CTNNA3: variants seen among roughly 807,000 people sequenced by gnomAD.
The protein encoded by CTNNA3 is catenin alpha 3, also known as catenin alpha-3.
In CTNNA3, 76 loss-of-function variants were observed where a neutral mutation model predicts 95.7. The observed-to-expected ratio is 0.79, with a 90% CI of 0.66 to 0.96. CTNNA3 has a LOEUF of 0.96. Ranked by LOEUF, CTNNA3 falls within the 40% of genes least tolerant of loss-of-function variation. The pLI is 0.00. For synonymous variants in CTNNA3, 431 were observed against 374.4 expected, an observed-to-expected ratio of 1.15 and a Z score of -1.74; for missense variants, 1,191 against 1,089.8, an observed-to-expected ratio of 1.09 and a Z score of -1.31.
intron 7 of CTNNA3, chr10:67,012,955 A>C (rs1852434345): frequency 6.6e-6 from 1 of 152,298 alleles, no homozygotes; most frequent in East Asian, 1.9e-4. Flanking sequence ...ATTTTAAAAA[A>C]ACCAACACTT....
At chr10:66,035,615 G>T (rs1421880526) in intron 15 of CTNNA3, among the ~76,000 whole-genome samples, 1 of 150,740 alleles carries the variant, frequency 6.6e-6, no homozygotes, top group Admixed American at 6.6e-5. Flanking sequence ...ATCTTTTTAG[G>T]TGAAGTATTT....
chr10:67,716,629 T>C (rs1841145175), intron 1 of CTNNA3, among the ~76,000 whole-genome samples: 1 of 152,214 alleles, frequency 6.6e-6, no homozygotes, highest in African/African-American at 2.4e-5. Context: ...GCTTCATCCA[T>C]GTACCTGCAA....
At chr10:66,457,121 A>G (rs1261409509) in intron 11 of CTNNA3, among the ~76,000 whole-genome samples, 1 of 152,114 alleles carries the variant, frequency 6.6e-6, no homozygotes, top group Non-Finnish European at 1.5e-5. Flanking sequence ...AAACAAAACA[A>G]AAAAACCTTT....
intron 9 of CTNNA3, among the ~76,000 whole-genome samples, chr10:66,646,397 A>G (rs554603672): frequency 1.3e-5 from 2 of 152,254 alleles, no homozygotes; most frequent in African/African-American, 4.8e-5. Flanking sequence ...TGGGAGCAAA[A>G]CAATAACTCA....
At chr10:66,290,469 G>T (rs1464444709) in intron 12 of CTNNA3, among the ~76,000 whole-genome samples, 1 of 151,904 alleles carries the variant, frequency 6.6e-6, no homozygotes, top group Non-Finnish European at 1.5e-5. Context: ...TTTTCATCAG[G>T]ATATACTTGA....
At chr10:66,544,134 G>T (rs1157487851) in intron 10 of CTNNA3, among the ~76,000 whole-genome samples, 4 of 151,682 alleles carry the variant, frequency 2.6e-5, no homozygotes. Flanking sequence ...AGGCTTCATT[G>T]GCTATTATGT....
intron 3 of CTNNA3, among the ~76,000 whole-genome samples, chr10:67,583,176 T>C (rs1483405004): frequency 6.6e-6 from 1 of 152,180 alleles, no homozygotes; most frequent in African/African-American, 2.4e-5. Context: ...ACAATTGGCA[T>C]GGTTTTGCAG....
At chr10:66,590,361 A>T (rs1191773812) in intron 10 of CTNNA3, among the ~76,000 whole-genome samples, 4 of 152,148 alleles carry the variant, frequency 2.6e-5, no homozygotes, top group Admixed American at 1.3e-4. Context: ...TTTGACATAC[A>T]TGAAATATGA....
intron 1 of CTNNA3, among the ~76,000 whole-genome samples, chr10:67,763,346 C>G (rs1841472603): frequency 2.0e-5 from 3 of 152,052 alleles, no homozygotes; most frequent in Admixed American, 6.5e-5. Flanking sequence ...ATATTCTGCT[C>G]TCTTCCACAA....
intron 9 of CTNNA3, among the ~76,000 whole-genome samples, chr10:66,714,114 C>T (rs1436270500): frequency 2.0e-5 from 3 of 152,016 alleles, no homozygotes; most frequent in Non-Finnish European, 4.4e-5. Context: ...ATGATCGAAT[C>T]GTGATGGTGT....
chr10:66,048,818 C>A (rs1328802902), intron 15 of CTNNA3, among the ~76,000 whole-genome samples: 1 of 151,854 alleles, frequency 6.6e-6, no homozygotes, highest in African/African-American at 2.4e-5. Context: ...AATGTAAAAC[C>A]CAAAAATTAT....
At chr10:66,890,630 T>C (rs1321986232) in intron 7 of CTNNA3, among the ~76,000 whole-genome samples, 1 of 151,984 alleles carries the variant, frequency 6.6e-6, no homozygotes, top group Non-Finnish European at 1.5e-5. Context: ...GAGTGAATGG[T>C]GTATGAGGAA....
chr10:67,661,006 C>T (rs886227803), intron 1 of CTNNA3, among the ~76,000 whole-genome samples: 3 of 151,220 alleles, frequency 2.0e-5, no homozygotes, highest in African/African-American at 7.3e-5. Flanking sequence ...TGGCAAATAC[C>T]AAAATTTTTA....
chr10:67,596,993 G>A (rs143842964), intron 3 of CTNNA3, among the ~76,000 whole-genome samples: 2 of 152,046 alleles, frequency 1.3e-5, no homozygotes, highest in Non-Finnish European at 2.9e-5. Flanking sequence ...ATCTGACTGA[G>A]TTGTTTCAAA....
chr10:66,872,244 C>T (rs1844437606), intron 7 of CTNNA3, among the ~76,000 whole-genome samples: 1 of 152,094 alleles, frequency 6.6e-6, no homozygotes, highest in African/African-American at 2.4e-5. Context: ...GTGTTGTTAA[C>T]CACATTTTAT....
chr10:66,058,474 T>C (rs2080129071), intron 15 of CTNNA3, among the ~76,000 whole-genome samples: 1 of 152,188 alleles, frequency 6.6e-6, no homozygotes, highest in South Asian at 2.1e-4. Flanking sequence ...TTCTTTTTGA[T>C]GATGAATGCA....
intron 12 of CTNNA3, among the ~76,000 whole-genome samples, chr10:66,336,578 A>G (rs2092399050): frequency 6.6e-6 from 1 of 152,132 alleles, no homozygotes; most frequent in Admixed American, 6.6e-5. Context: ...GTGGCCCACA[A>G]TAGTCTTTCT....
At chr10:66,926,261 G>GTT in intron 7 of CTNNA3, 15 of 412,914 alleles carry the variant, frequency 3.6e-5, no homozygotes, top group East Asian at 9.7e-5. Context: ...GTAGGATCCA[G>GTT]TTTTTTTTTT....
intron 12 of CTNNA3, among the ~76,000 whole-genome samples, chr10:66,349,983 T>G (rs1425773214): frequency 6.6e-6 from 1 of 152,100 alleles, no homozygotes; most frequent in South Asian, 2.1e-4. Flanking sequence ...GGACCATTAC[T>G]AATACTCTTC....
Sources: gnomAD v4.1 joint callset for allele counts (sites outside exome capture counted in the v4.1 genomes callset) on GRCh38, gnomAD v4.1.1 for gene constraint, MANE v1.5 for transcripts, NCBI Gene and HGNC (gene_info 2026-07-23, HGNC 2026-07-21) for gene names.